The following HYDIN variants were observed in gnomAD, a reference collection of about 807,000 sequenced individuals.
The protein encoded by HYDIN is axonemal central pair apparatus protein HYDIN.
Under a neutral mutation model 403.9 loss-of-function variants are expected in HYDIN, and 132 were observed. The observed-to-expected ratio is 0.33, with a 90% CI of 0.28 to 0.38. HYDIN has a LOEUF of 0.38. HYDIN is among the 10% of genes least tolerant of loss of function. The pLI, the probability that HYDIN is intolerant of heterozygous loss-of-function variation, is 1.00. For synonymous variants in HYDIN, 1,202 were observed against 1,891.7 expected (o/e 0.64, Z 9.46); for missense variants, 2,827 against 5,009.5 (o/e 0.56, Z 13.15).
intron 67 of HYDIN, 30 bp downstream of exon 67, chr16:70,866,139 T>C (rs1244546154): frequency 6.2e-7 from 1 of 1,606,798 alleles, no homozygotes; most frequent in South Asian, 1.1e-5. Context: ...AGCTTTTCCA[T>C]CTAGTATCAC....
Position 70,807,870 on chromosome 16 carries a change from G to A in HYDIN, c.15076C>T (p.Pro5026Ser), listed in dbSNP as rs1567633456. 1.9e-6 allele frequency: 3 copies of A among 1,614,206 alleles called. No individual in the cohort carries two copies. Among genetic ancestry groups the A allele is most frequent in the Non-Finnish European group, 2.5e-6 (3 of 1,180,028 alleles). ...GCTCGGATCGAGAAGGGACCTTGGG[G>A]CTTGGGAGGCAGAGCCATTCCAAAG... ...PLFGMALPPK[P>S]QGPFSIRAGY... The change falls in exon 86 of 86, where the codon CCC becomes TCC. Residue 5026 changes from proline (P) to serine (S), a missense_variant. Pro to Ser is a moderately conservative substitution (Grantham distance 74). Coordinates refer to ENST00000393567, the MANE Select transcript of HYDIN (RefSeq NM_001270974.2).
At chr16:70,946,318 T>C (rs1284118391) in intron 41 of HYDIN, among the ~76,000 whole-genome samples, 5 of 142,626 alleles carry the variant, frequency 3.5e-5, no homozygotes, top group Non-Finnish European at 7.6e-5. Flanking sequence ...CGGCTGAGAA[T>C]GAGGAAGAGG....
In HYDIN at chr16:70,879,640, C is replaced by G. The variant is rs764552058; in HGVS notation, c.10332G>C (p.Gln3444His). The change falls in exon 61 of 86, where the codon CAG (glutamine) becomes CAC (histidine). Residue 3444 changes from glutamine (Q) to histidine (H), a missense_variant. Gln to His is a conservative substitution (Grantham distance 24, BLOSUM62 0). Transcript: ENST00000393567. ...SFTPQIMQNY[Q>H]CIFEATLDGL... Reference sequence around the variant, plus strand: ...CATCCAAGGTAGCCTCAAAGATGCACTGGTAGTTCTGCATGATCTGCGGGG... The same window carrying G: ...CATCCAAGGTAGCCTCAAAGATGCAGTGGTAGTTCTGCATGATCTGCGGGG... The G allele has an allele frequency of 6.2e-7, 1 of 1,611,692 alleles. No individual in the cohort carries two copies. Among genetic ancestry groups the G allele is most frequent in the East Asian group, 2.2e-5 (1 of 44,818 alleles).
chr16:70,945,049 A>G (rs982033560), intron 41 of HYDIN, among the ~76,000 whole-genome samples: 7 of 152,210 alleles, frequency 4.6e-5, no homozygotes, highest in Non-Finnish European at 8.8e-5. Context: ...CATTGCACCC[A>G]GCCTGATTTT....
chr16:71,227,174 T>C (rs908822752), intron 1 of HYDIN, among the ~76,000 whole-genome samples: 1 of 151,974 alleles, frequency 6.6e-6, no homozygotes, highest in Non-Finnish European at 1.5e-5. Context: ...TATATATATA[T>C]ATATGAATGA....
Position 70,942,467 on chromosome 16 carries a change from G to T in HYDIN, c.6670-648C>A, listed in dbSNP as rs562711832. Among the ~76,000 whole-genome samples, 3 of 152,332 alleles carry T rather than the reference G, an allele frequency of 2.0e-5. No individual in the cohort carries two copies. In the South Asian group the frequency reaches 6.2e-4, roughly 32 times the overall value. The stretch of plus-strand genomic sequence containing the variant: ...AGGGAAAGATGCTCCCAAGCACAGA[G>T]TCACAGGCAGCAGGGGGAGCAGCTG... On this transcript the variant is annotated intron_variant, in intron 42 of 85. Coordinates refer to ENST00000393567, the MANE Select transcript of HYDIN (RefSeq NM_001270974.2).
At chr16:71,004,756 T>C (rs1470205670) in intron 23 of HYDIN, among the ~76,000 whole-genome samples, 3 of 152,192 alleles carry the variant, frequency 2.0e-5, no homozygotes, top group African/African-American at 7.2e-5. Context: ...TTGGGTAATA[T>C]TGTCTTTTAT....
intron 1 of HYDIN, among the ~76,000 whole-genome samples, chr16:71,223,444 G>A (rs781439602): frequency 2.0e-5 from 3 of 152,122 alleles, no homozygotes; most frequent in East Asian, 1.9e-4. Context: ...GACCCTAAAC[G>A]CAAATGTGAC....
chr16:70,909,204 T>C (rs1269596866), intron 47 of HYDIN, among the ~76,000 whole-genome samples: 2 of 151,848 alleles, frequency 1.3e-5, no homozygotes, highest in African/African-American at 2.4e-5. Flanking sequence ...TACTTCCTAA[T>C]ATTTTGTTGG....
intron 1 of HYDIN, among the ~76,000 whole-genome samples, chr16:71,199,746 A>G (rs912812937): frequency 2.0e-5 from 3 of 152,212 alleles, no homozygotes; most frequent in Non-Finnish European, 2.9e-5. Flanking sequence ...GACAGATATT[A>G]ATCTATGCCT....
chr16:70,986,386 G>C (rs2079193401), intron 27 of HYDIN, among the ~76,000 whole-genome samples: 1 of 152,170 alleles, frequency 6.6e-6, no homozygotes, highest in African/African-American at 2.4e-5. Flanking sequence ...ACTATACTCA[G>C]ACATGAGCCG....
chr16:71,225,711 AAC>A (rs2144772457), intron 1 of HYDIN, among the ~76,000 whole-genome samples: 2 of 152,312 alleles, frequency 1.3e-5, no homozygotes, highest in African/African-American at 2.4e-5. Context: ...CAACAAACAC[AAC>A]ACAGTTCTCC....
At chr16:71,063,041 A>G (rs1463016911) in intron 16 of HYDIN, 3 of 152,178 alleles carry the variant, frequency 2.0e-5, no homozygotes, top group African/African-American at 4.8e-5. Flanking sequence ...AAAGTGAGGA[A>G]TGAATGAATG....
intron 13 of HYDIN, among the ~76,000 whole-genome samples, chr16:71,073,445 C>T (rs943139439): frequency 2.6e-5 from 4 of 152,128 alleles, no homozygotes; most frequent in African/African-American, 7.2e-5. Context: ...TTACACCCTC[C>T]GAAGGTCAAC....
chr16:71,230,454 A>AGGG, intron 1 of HYDIN, 108 bp downstream of exon 1: 1 of 1,330,580 alleles, frequency 7.5e-7, no homozygotes, highest in Non-Finnish European at 1.0e-6. Context: ...GAAAGTCTGG[A>AGGG]GAACGCCTGG....
intron 6 of HYDIN, among the ~76,000 whole-genome samples, chr16:71,157,497 A>C (rs1284283852): frequency 6.7e-6 from 1 of 149,824 alleles, no homozygotes. Flanking sequence ...AGAGATTCTA[A>C]CTCAATATGA....
chr16:71,014,298 C>T lies in HYDIN; in HGVS notation c.3644+3831G>A, dbSNP rs550463020. 1.2e-3 allele frequency among the ~76,000 whole-genome samples: 123 copies of T among 105,710 alleles called. 2 individuals carry two copies. Among genetic ancestry groups the T allele is most frequent in the Non-Finnish European group, 1.5e-3 (86 of 57,398 alleles). The allele number at this position is 105,710 out of a possible 152,430, so 69.3% of individuals were successfully genotyped here. On this transcript the variant is annotated intron_variant, in intron 23 of 85. Transcript: ENST00000393567. The stretch of plus-strand genomic sequence containing the variant: ...TTCTGCCAACATACCTCTCCAGACT[C>T]ACCTCCCACAACTTCTCCCACCCAG...
chr16:70,985,029 G>A (rs1422171195), intron 28 of HYDIN, 156 bp downstream of exon 28: 44 of 633,190 alleles, frequency 6.9e-5, no homozygotes, highest in East Asian at 4.5e-4. Context: ...ATAAATGAGC[G>A]AAGTGGCTTG....
chr16:70,993,792 G>A lies in HYDIN; in HGVS notation c.3645-1582C>T, dbSNP rs200695221. 1.6e-3 allele frequency among the ~76,000 whole-genome samples: 245 copies of A among 149,296 alleles called. No individual in the cohort carries two copies. The East Asian group carries it at 0.016, about 10-fold the overall frequency. On this transcript the variant is annotated intron_variant, in intron 23 of 85. Transcript: ENST00000393567. Reference sequence around the variant, plus strand: ...GTTGTACCACTTTACACTACCACCTGCATTGTATGAGAGTTCTCGTTGGTC... The same window carrying A: ...GTTGTACCACTTTACACTACCACCTACATTGTATGAGAGTTCTCGTTGGTC...
Sources: allele counts gnomAD v4.1 joint callset (sites outside exome capture counted in the v4.1 genomes callset), GRCh38; gene constraint gnomAD v4.1.1; transcripts MANE v1.5; gene names NCBI Gene and HGNC (gene_info 2026-07-23, HGNC 2026-07-21).